Variants in SPTBN1 observed in about 807,000 individuals in gnomAD.
SPTBN1 encodes the protein spectrin beta, non-erythrocytic 1.
In SPTBN1, 32 loss-of-function variants were observed where a neutral mutation model predicts 266.4. That is an observed-to-expected ratio of 0.12 (90% CI 0.09 to 0.16). The LOEUF is 0.16. Among genes scored for constraint, SPTBN1 ranks in the 10% least tolerant of loss-of-function variants. The pLI is 1.00. For synonymous variants in SPTBN1, 1,336 were observed against 1,162.2 expected, an observed-to-expected ratio of 1.15 and a Z score of -3.04; for missense variants, 2,296 against 3,067.1, an observed-to-expected ratio of 0.75 and a Z score of 5.94.
At position 54,637,622 on chromosome 2, in the gene SPTBN1, T is replaced by C. The variant is rs1679241035; in HGVS notation, c.3768-91T>C. 6.8e-6 allele frequency: 7 copies of C among 1,028,982 alleles called. No homozygotes were observed. The Admixed American group carries it at 1.0e-4, about 15-fold the overall frequency. 63.7% of individuals were successfully genotyped at this position (1,028,982 alleles called of 1,614,324 possible). A position where few individuals can be genotyped will look rare whatever the true frequency, so the allele number is the denominator to read the frequency against. The stretch of plus-strand genomic sequence containing the variant: ...GCAAGCAAACTCTTTTTAGCATAGT[T>C]AGGAATTCAGGAAATAAATTGATTT... On this transcript the variant is annotated intron_variant, in intron 17 of 35. Coordinates refer to ENST00000356805, the MANE Select transcript of SPTBN1 (RefSeq NM_003128.3).
At position 54,617,616 on chromosome 2, in the gene SPTBN1, A is replaced by G. The variant is rs372445691; in HGVS notation, c.575A>G (p.Asn192Ser). 17 of 1,614,006 alleles carry G rather than the reference A, an allele frequency of 1.1e-5. No individual in the cohort carries two copies. The highest frequency in any genetic ancestry group is 1.0e-4 in the Admixed American group (6 of 60,004). The change falls in exon 6 of 36, where the codon AAT becomes AGT. Residue 192 changes from asparagine to serine, a missense_variant. Asn to Ser is a conservative substitution (Grantham distance 46). This residue lies in a region of SPTBN1 where 178 missense variants were observed against 375.7 expected (regional missense o/e 0.47). Coordinates refer to ENST00000356805, the MANE Select transcript of SPTBN1 (RefSeq NM_003128.3). ...WCQMKTAGYP[N>S]VNIHNFTTSW... Reference sequence around the variant, plus strand: ...TGCTTTGTCCTTGGCAGGTACCCCAATGTCAACATTCACAATTTCACCACT... The same window carrying G: ...TGCTTTGTCCTTGGCAGGTACCCCAGTGTCAACATTCACAATTTCACCACT...
chr2:54,581,567 T>A (rs1222306058), intron 2 of SPTBN1, among the ~76,000 whole-genome samples: 1 of 146,646 alleles, frequency 6.8e-6, no homozygotes, highest in Non-Finnish European at 1.5e-5. Context: ...CATGCTTTGG[T>A]TTCTTTGCCC....
intron 2 of SPTBN1, among the ~76,000 whole-genome samples, chr2:54,575,479 C>T (rs547757331): frequency 1.7e-3 from 253 of 152,260 alleles, no homozygotes; most frequent in Non-Finnish European, 2.5e-3. Context: ...CTGCATATCT[C>T]GAAGGACAAA....
rs534309500 is a variant in SPTBN1, at chr2:54,558,086, C to T, written c.148+31520C>T. 1.0e-5 allele frequency: 10 copies of T among 985,412 alleles called. No homozygotes were observed. In the African/African-American group the frequency reaches 1.6e-4, roughly 15 times the overall value. 61.0% of individuals were successfully genotyped at this position (985,412 alleles called of 1,614,324 possible). ...CTTTTCAAGTGATAGTAATCGGAGACTTTTCCGTTACATGAGGCTCAACAA... is the reference window on the plus strand; with the variant it reads ...CTTTTCAAGTGATAGTAATCGGAGATTTTTCCGTTACATGAGGCTCAACAA... On this transcript the variant is annotated intron_variant, in intron 2 of 35. Transcript: ENST00000356805. The surrounding 1 kb of genome is among the most constrained non-coding windows in gnomAD (Gnocchi z 4.6).
At chr2:54,654,921 G>C (rs1252753660) in intron 27 of SPTBN1, 149 bp from the exon 28 acceptor site, 3 of 1,164,566 alleles carry the variant, frequency 2.6e-6, no homozygotes, top group Non-Finnish European at 3.5e-6. Context: ...CAGTGGCCCA[G>C]CCTAAGCTCA....
chr2:54,619,854 G>A (rs1464495155), intron 7 of SPTBN1, among the ~76,000 whole-genome samples: 2 of 152,186 alleles, frequency 1.3e-5, no homozygotes, highest in African/African-American at 2.4e-5. Context: ...TGGGCAGGGA[G>A]CATGCCAGCA....
chr2:54,613,787 A>T (rs1462636270), intron 4 of SPTBN1, among the ~76,000 whole-genome samples: 1 of 152,218 alleles, frequency 6.6e-6, no homozygotes, highest in Non-Finnish European at 1.5e-5. Context: ...GAATCCACTA[A>T]TTACTGCTCT....
At chr2:54,660,868 G>A (rs1680991741) in intron 32 of SPTBN1, 1 of 985,440 alleles carries the variant, frequency 1.0e-6, no homozygotes, top group Non-Finnish European at 1.2e-6. Context: ...GCAGGTGACA[G>A]CCGTTCTCAG....
rs1313144977 is a variant in SPTBN1 at position 54,460,971 on chromosome 2, C to T, written c.-48+4453C>T. ...GAGCCGAGATCGCGCCACTGCATTCCAACCTGGGTGACAAGAGCGAGACTC... is the reference window on the plus strand; with the variant it reads ...GAGCCGAGATCGCGCCACTGCATTCTAACCTGGGTGACAAGAGCGAGACTC... On this transcript the variant is annotated intron_variant, in intron 1 of 35. Transcript: ENST00000356805. Among the ~76,000 whole-genome samples the T allele has an allele frequency of 2.0e-5, 3 of 152,284 alleles. No homozygotes were observed. In the East Asian group the frequency reaches 5.8e-4, roughly 29 times the overall value.
In SPTBN1 at chr2:54,655,745, A is replaced by G. The variant is rs182852419; in HGVS notation, c.5962-169A>G. ...AGCCCCTTCTGGAAGGAGCAGTGCT[A>G]TGCTTTTCTTTCCTCTCCCAGTCCT... On this transcript the variant is annotated intron_variant, in intron 28 of 35. Transcript: ENST00000356805. Among the ~76,000 whole-genome samples the G allele has an allele frequency of 4.6e-5, 7 of 152,354 alleles. No homozygotes were observed. In the East Asian group the frequency reaches 7.7e-4, roughly 17 times the overall value.
intron 28 of SPTBN1, 36 bp downstream of exon 28, chr2:54,655,244 G>A (rs2271329): frequency 0.17 from 279,503 of 1,603,864 alleles, 25,338 homozygotes; most frequent in Non-Finnish European, 0.19. Context: ...TGCAGCTGGC[G>A]TCAAGATGTA....
chr2:54,621,261 G>A (rs1572696194), intron 7 of SPTBN1, 139 bp from the exon 8 acceptor site: 10 of 555,180 alleles, frequency 1.8e-5, no homozygotes, highest in South Asian at 1.6e-4. Flanking sequence ...ATTAATGCAC[G>A]GATGGCAGAA....
chr2:54,462,925 A>T (rs906652117), intron 1 of SPTBN1, among the ~76,000 whole-genome samples: 1 of 152,236 alleles, frequency 6.6e-6, no homozygotes, highest in Non-Finnish European at 1.5e-5. Context: ...ATGGTGTTCT[A>T]GGCAGTAACT....
At chr2:54,468,262 G>A (rs1012678469) in intron 1 of SPTBN1, among the ~76,000 whole-genome samples, 1 of 151,664 alleles carries the variant, frequency 6.6e-6, no homozygotes, top group Non-Finnish European at 1.5e-5. Flanking sequence ...AGCTGAGACC[G>A]CACCATTGCG....
rs1410984780 is a variant in SPTBN1 at position 54,540,684 on chromosome 2, T to C, written c.148+14118T>C. The stretch of plus-strand genomic sequence containing the variant: ...CCCCAAGGTTGGCCTGCAGTTTGCC[T>C]GTGTTATTCTCTGTCATCATTAGCC... On this transcript the variant is annotated intron_variant, in intron 2 of 35. Transcript: ENST00000356805. The surrounding 1 kb of genome is among the most constrained non-coding windows in gnomAD (Gnocchi z 5.6). 1 of 152,214 alleles carries C rather than the reference T, an allele frequency of 6.6e-6. No homozygotes were observed. Among genetic ancestry groups the C allele is most frequent in the Non-Finnish European group, 1.5e-5 (1 of 68,038 alleles). 9.4% of individuals were successfully genotyped at this position (152,214 alleles called of 1,614,324 possible). A position where few individuals can be genotyped will look rare whatever the true frequency, so the allele number is the denominator to read the frequency against.
chr2:54,507,199 C>G (rs983594756), intron 1 of SPTBN1, among the ~76,000 whole-genome samples: 1 of 152,196 alleles, frequency 6.6e-6, no homozygotes, highest in African/African-American at 2.4e-5. Context: ...GCTATTTTCA[C>G]TTCTTTTGTG....
In SPTBN1 at chr2:54,629,301, C is replaced by T. The variant is rs373885580; in HGVS notation, c.2167C>T (p.Arg723Trp). The T allele has an allele frequency of 6.4e-5, 104 of 1,613,904 alleles. No individual in the cohort carries two copies. Among genetic ancestry groups the T allele is most frequent in the Middle Eastern group, 1.6e-4 (1 of 6,084 alleles). ...EKIRERIIYI[R>W]EQWANLEQLS... ...GATCCGTGAGAGGATCATTTACATCCGGGAGCAGTGGGCCAACCTAGAGCA... is the reference window on the plus strand; with the variant it reads ...GATCCGTGAGAGGATCATTTACATCTGGGAGCAGTGGGCCAACCTAGAGCA... The change falls in exon 14 of 36, where the codon CGG becomes TGG. Residue 723 changes from arginine to tryptophan, a missense_variant. Physicochemically the swap from Arg to Trp is moderately radical, Grantham distance 101. Transcript: ENST00000356805.
intron 9 of SPTBN1, among the ~76,000 whole-genome samples, chr2:54,622,871 C>T (rs1238202429): frequency 6.6e-6 from 1 of 152,118 alleles, no homozygotes; most frequent in African/African-American, 2.4e-5. Flanking sequence ...AGCCCATAAG[C>T]CCAGTAAGTA....
At chr2:54,498,687 T>A (rs6742607) in intron 1 of SPTBN1, among the ~76,000 whole-genome samples, 2 of 152,118 alleles carry the variant, frequency 1.3e-5, no homozygotes, top group African/African-American at 4.8e-5. Flanking sequence ...ACTATATTTT[T>A]TTTCAAGAAG....
Sources: gnomAD v4.1 joint callset for allele counts (sites outside exome capture counted in the v4.1 genomes callset) on GRCh38, gnomAD v4.1.1 for gene constraint, gnomAD v4.1.1 regional missense constraint, Gnocchi (gnomAD v3.1) non-coding constraint, MANE v1.5 for transcripts, NCBI Gene and HGNC (gene_info 2026-07-23, HGNC 2026-07-21) for gene names.